Variants in SORCS1 observed in about 807,000 individuals in gnomAD.
SORCS1 encodes VPS10 domain-containing receptor SorCS1.
A neutral mutation model predicts 146.1 loss-of-function variants in SORCS1; 60 were observed. The observed-to-expected ratio is 0.41, with a 90% CI of 0.33 to 0.51. The LOEUF (loss-of-function observed/expected upper bound fraction) is 0.51. Among genes scored for constraint, SORCS1 ranks in the 20% least tolerant of loss-of-function variants. The pLI, the probability that SORCS1 is intolerant of heterozygous loss-of-function variation, is 0.21. For missense variants in SORCS1, 1,352 were observed against 1,487.6 expected, an observed-to-expected ratio of 0.91 and a Z score of 1.50; for synonymous variants, 637 against 584.0, an observed-to-expected ratio of 1.09 and a Z score of -1.31.
rs1318615593 is a variant in SORCS1 at position 107,117,361 on chromosome 10, CG to C, written c.558+46607del. 3.9e-5 allele frequency among the ~76,000 whole-genome samples: 6 copies of C among 152,146 alleles called. No homozygotes were observed. In the East Asian group the frequency reaches 1.2e-3, roughly 29 times the overall value. The stretch of plus-strand genomic sequence containing the variant: ...TTCTTCAATACAAGAACAATGACCC[CG>C]GAAGGCCATTCAGAGACCATCAGGA... On this transcript the variant is annotated intron_variant, in intron 1 of 25. Transcript: ENST00000263054.
At chr10:106,603,462 G>C (rs1376067315) in intron 23 of SORCS1, among the ~76,000 whole-genome samples, 2 of 152,198 alleles carry the variant, frequency 1.3e-5, no homozygotes, top group African/African-American at 4.8e-5. Context: ...TTATTTCACA[G>C]ACAAGATAGC....
At chr10:107,036,482 T>A (rs1166153653) in intron 1 of SORCS1, among the ~76,000 whole-genome samples, 1 of 152,136 alleles carries the variant, frequency 6.6e-6, no homozygotes, top group African/African-American at 2.4e-5. Flanking sequence ...CAGACACATA[T>A]AATACAGACC....
chr10:106,959,075 C>T (rs569628472), intron 1 of SORCS1, among the ~76,000 whole-genome samples: 23 of 152,244 alleles, frequency 1.5e-4, no homozygotes, highest in African/African-American at 5.5e-4. Flanking sequence ...CAAAGGTGCC[C>T]CGGAGAAGGA....
At chr10:107,143,274 C>A (rs562026151) in intron 1 of SORCS1, among the ~76,000 whole-genome samples, 19 of 152,294 alleles carry the variant, frequency 1.2e-4, no homozygotes, top group Admixed American at 2.6e-4. Flanking sequence ...AACTAAAATG[C>A]TGATTATGTC....
chr10:106,785,576 G>A (rs939724234), intron 3 of SORCS1, among the ~76,000 whole-genome samples: 4 of 152,120 alleles, frequency 2.6e-5, no homozygotes, highest in African/African-American at 7.2e-5. Context: ...TAACAAGTAC[G>A]TTTTAATTTT....
chr10:106,830,581 T>C lies in SORCS1; in HGVS notation c.627-908A>G, dbSNP rs1380232015. 4.7e-5 allele frequency among the ~76,000 whole-genome samples: 7 copies of C among 149,258 alleles called. No individual in the cohort carries two copies. In the South Asian group the frequency reaches 1.5e-3, roughly 32 times the overall value. ...ACCTCAGCTTTTTTTTTTTTTCCTT[T>C]TTTTTTTTTTTAAAAAAATTTAAAG... On this transcript the variant is annotated intron_variant, in intron 2 of 25. Coordinates refer to ENST00000263054, the MANE Select transcript of SORCS1 (RefSeq NM_052918.5).
chr10:106,738,969 TGAGCCGCTGTGGCCAGCCAGG>T (rs1857162873), intron 5 of SORCS1, among the ~76,000 whole-genome samples: 1 of 152,182 alleles, frequency 6.6e-6, no homozygotes, highest in South Asian at 2.1e-4. Flanking sequence ...ATGACAGGCG[TGAGCCGCTGTGGCCAGCCAGG>T]GATTGTTTTA....
chr10:106,661,820 T>C (rs1376628637), intron 17 of SORCS1, among the ~76,000 whole-genome samples: 1 of 152,240 alleles, frequency 6.6e-6, no homozygotes, highest in Non-Finnish European at 1.5e-5. Flanking sequence ...CCCAATTGTA[T>C]TTCACTCTCA....
intron 17 of SORCS1, among the ~76,000 whole-genome samples, chr10:106,658,530 C>T (rs907770938): frequency 1.3e-5 from 2 of 152,036 alleles, no homozygotes; most frequent in African/African-American, 4.8e-5. Context: ...GTGCTATGTG[C>T]ATTTGCTTTC....
At position 107,164,215 on chromosome 10, in the gene SORCS1, G is replaced by A; in HGVS notation, c.312C>T (p.Arg104=). Residue 104 remains arginine, a synonymous_variant, in exon 1 of 26, where the codon CGC becomes CGT. Transcript: ENST00000263054. This position sits in a 1 kb window ranked among gnomAD's most constrained non-coding sequence, Gnocchi z 6.8. Reference sequence around the variant, plus strand: ...CTCCGCTCCGTCTCCTCCGGCCGGAGCGTGCAGCAACCGCCATGGATGCCC... The same window carrying A: ...CTCCGCTCCGTCTCCTCCGGCCGGAACGTGCAGCAACCGCCATGGATGCCC... The part of the protein sequence containing the change: ...GTGASMAVAA[R]SGRRRRSGAD... The A allele has an allele frequency of 6.2e-7, 1 of 1,608,890 alleles. No individual in the cohort carries two copies. Among genetic ancestry groups the A allele is most frequent in the Non-Finnish European group, 8.5e-7 (1 of 1,179,724 alleles).
intron 3 of SORCS1, among the ~76,000 whole-genome samples, chr10:106,782,551 C>G (rs1860976560): frequency 6.6e-6 from 1 of 152,092 alleles, no homozygotes; most frequent in Non-Finnish European, 1.5e-5. Flanking sequence ...ACCTCTTGGC[C>G]AATTCCACAG....
At chr10:106,863,712 C>T (rs1950113734) in intron 2 of SORCS1, among the ~76,000 whole-genome samples, 1 of 150,642 alleles carries the variant, frequency 6.6e-6, no homozygotes, top group Admixed American at 6.6e-5. Flanking sequence ...GTAGAGCTGA[C>T]AGAGGGTGGC....
chr10:107,028,515 T>A (rs1020386114), intron 1 of SORCS1, among the ~76,000 whole-genome samples: 2 of 152,218 alleles, frequency 1.3e-5, no homozygotes, highest in African/African-American at 4.8e-5. Flanking sequence ...ACGCTGAGTG[T>A]AAAGTTTCTA....
chr10:107,159,608 T>A (rs1248566420), intron 1 of SORCS1, among the ~76,000 whole-genome samples: 1 of 152,092 alleles, frequency 6.6e-6, no homozygotes, highest in African/African-American at 2.4e-5. Flanking sequence ...ATATTTTAGA[T>A]GGGGAGACTC....
At chr10:106,722,806 A>G (rs1364082157) in intron 6 of SORCS1, among the ~76,000 whole-genome samples, 1 of 152,166 alleles carries the variant, frequency 6.6e-6, no homozygotes, top group Non-Finnish European at 1.5e-5. Flanking sequence ...ACCATAATAT[A>G]CAACTATATA....
At chr10:106,651,411 T>G (rs1849857054) in intron 18 of SORCS1, among the ~76,000 whole-genome samples, 1 of 152,148 alleles carries the variant, frequency 6.6e-6, no homozygotes, top group East Asian at 1.9e-4. Flanking sequence ...ATGTATATTC[T>G]TGGGCCCTAC....
intron 2 of SORCS1, among the ~76,000 whole-genome samples, chr10:106,937,430 G>A (rs775255383): frequency 3.3e-5 from 5 of 151,188 alleles, no homozygotes; most frequent in Admixed American, 2.0e-4. Context: ...CACCCTTGTC[G>A]GCCTCCCAAA....
intron 8 of SORCS1, among the ~76,000 whole-genome samples, chr10:106,701,195 A>C (rs1854115197): frequency 6.6e-6 from 1 of 152,036 alleles, no homozygotes. Context: ...TTTTTTTAAT[A>C]TTTTCAATCT....
chr10:106,770,480 CAAA>C (rs61310332), intron 4 of SORCS1, among the ~76,000 whole-genome samples: 25 of 126,248 alleles, frequency 2.0e-4, no homozygotes, highest in Non-Finnish European at 1.9e-4. Flanking sequence ...CAAAAAATCG[CAAA>C]AAAAAAAAAA....
Sources: gnomAD v4.1 joint callset for allele counts (sites outside exome capture counted in the v4.1 genomes callset) on GRCh38, gnomAD v4.1.1 for gene constraint, Gnocchi (gnomAD v3.1) non-coding constraint, MANE v1.5 for transcripts, NCBI Gene and HGNC (gene_info 2026-07-23, HGNC 2026-07-21) for gene names.